CRBN: variants seen among roughly 807,000 people sequenced by gnomAD.
CRBN encodes cereblon, also known as protein cereblon.
In CRBN, 53 loss-of-function variants were observed where a neutral mutation model predicts 62.2. The ratio of observed to expected loss-of-function variants is 0.85; its 90% CI spans 0.68 to 1.07. The LOEUF is 1.07. Ranked by LOEUF, CRBN falls within the 50% of genes least tolerant of loss-of-function variation. The probability of loss-of-function intolerance (pLI) is 0.00; values close to 1 mark genes in which losing one functional copy is unlikely to be tolerated. For missense variants in CRBN, 616 were observed against 531.1 expected, an observed-to-expected ratio of 1.16 and a Z score of -1.57; for synonymous variants, 208 against 176.1, an observed-to-expected ratio of 1.18 and a Z score of -1.43.
chr3:3,152,416 A>C, intron 10 of CRBN, 40 bp downstream of exon 10: 1 of 1,584,594 alleles, frequency 6.3e-7, no homozygotes, highest in Non-Finnish European at 8.5e-7. Context: ...CAATTAAGGT[A>C]AAAAAAGAAA....
chr3:3,175,357 C>G (rs2126069517), intron 1 of CRBN, 88 bp from the exon 2 acceptor site: 4 of 963,852 alleles, frequency 4.2e-6, no homozygotes, highest in South Asian at 4.0e-5. Context: ...AGGGGTACTT[C>G]TAAAACCACA....
chr3:3,156,887 T>C (rs1326450369), intron 5 of CRBN: 7 of 152,220 alleles, frequency 4.6e-5, no homozygotes, highest in Admixed American at 3.3e-4. Context: ...AAAATGTGAA[T>C]TGTAGAAATT....
intron 10 of CRBN, among the ~76,000 whole-genome samples, chr3:3,151,942 C>T (rs1394349816): frequency 6.6e-6 from 1 of 152,154 alleles, no homozygotes; most frequent in Non-Finnish European, 1.5e-5. Context: ...AGAATATGGT[C>T]CAGATATAAA....
intron 7 of CRBN, chr3:3,154,437 C>G: frequency 2.2e-6 from 1 of 460,592 alleles, no homozygotes; most frequent in Admixed American, 3.8e-5. Context: ...CTTTTAAAGG[C>G]ACCTTGAAGA....
intron 5 of CRBN, among the ~76,000 whole-genome samples, chr3:3,165,132 C>T (rs540383685): frequency 6.6e-6 from 1 of 152,168 alleles, no homozygotes; most frequent in Non-Finnish European, 1.5e-5. Flanking sequence ...ACAGATAGGA[C>T]TGAATTGCTG....
chr3:3,173,807 G>A, intron 3 of CRBN: 1 of 510,282 alleles, frequency 2.0e-6, no homozygotes, highest in Non-Finnish European at 3.5e-6. Context: ...AAATATAAAT[G>A]ATTAAAAATT....
At chr3:3,163,760 C>CT (rs912377023) in intron 5 of CRBN, among the ~76,000 whole-genome samples, 5 of 152,060 alleles carry the variant, frequency 3.3e-5, no homozygotes, top group Admixed American at 3.3e-4. Flanking sequence ...AAGAACTATT[C>CT]TATATACCCA....
intron 4 of CRBN, 157 bp downstream of exon 4, chr3:3,172,614 TGCATA>T: frequency 1.5e-6 from 1 of 686,384 alleles, no homozygotes; most frequent in Non-Finnish European, 2.5e-6. Flanking sequence ...GTGATTCTGA[TGCATA>T]GCAAGGTTGG....
chr3:3,169,426 ATTAAG>A (rs1279832927), intron 4 of CRBN, among the ~76,000 whole-genome samples: 1 of 152,094 alleles, frequency 6.6e-6, no homozygotes, highest in Non-Finnish European at 1.5e-5. Context: ...TTCAAGGAAC[ATTAAG>A]TTGAGACATA....
At chr3:3,160,021 G>A (rs1431752274) in intron 5 of CRBN, among the ~76,000 whole-genome samples, 2 of 152,120 alleles carry the variant, frequency 1.3e-5, no homozygotes, top group Non-Finnish European at 2.9e-5. Flanking sequence ...GACCAATGAC[G>A]GATTCTCCAG....
Position 3,152,404 on chromosome 3 carries a change from C to T in CRBN, c.1148+52G>A, listed in dbSNP as rs62228641. On this transcript the variant is annotated intron_variant, in intron 10 of 10. Coordinates refer to ENST00000231948, the MANE Select transcript of CRBN (RefSeq NM_016302.4). Reference sequence around the variant, plus strand: ...CTGCTTAGGACTCTGGATTTTTCTGCCCAATTAAGGTAAAAAAAGAAAAAA... The same window carrying T: ...CTGCTTAGGACTCTGGATTTTTCTGTCCAATTAAGGTAAAAAAAGAAAAAA... 5,482 of 1,577,494 alleles carry T rather than the reference C, an allele frequency of 3.5e-3. 17 individuals carry two copies. The highest frequency in any genetic ancestry group is 0.018 in the African/African-American group (1,270 of 71,770).
At chr3:3,164,260 G>C (rs989787820) in intron 5 of CRBN, among the ~76,000 whole-genome samples, 3 of 152,178 alleles carry the variant, frequency 2.0e-5, no homozygotes, top group African/African-American at 7.2e-5. Context: ...ATAAAGCTTA[G>C]TTAGAAACAC....
At chr3:3,152,090 A>AGAT (rs1431256561) in intron 10 of CRBN, among the ~76,000 whole-genome samples, 1 of 151,802 alleles carries the variant, frequency 6.6e-6, no homozygotes, top group African/African-American at 2.4e-5. Flanking sequence ...CAATGATAAA[A>AGAT]GATACAAAAA....
At chr3:3,151,422 A>G (rs75252183) in intron 10 of CRBN, among the ~76,000 whole-genome samples, 1,815 of 152,284 alleles carry the variant, frequency 0.012, 16 homozygotes, top group African/African-American at 0.02. Flanking sequence ...GAAAACAGCA[A>G]TTACCTGCAG....
At chr3:3,163,791 T>C (rs921942074) in intron 5 of CRBN, among the ~76,000 whole-genome samples, 1 of 152,214 alleles carries the variant, frequency 6.6e-6, no homozygotes, top group Non-Finnish European at 1.5e-5. Context: ...ACAGGCATAC[T>C]GTGATTCACA....
chr3:3,159,938 T>A (rs1707067304), intron 5 of CRBN, among the ~76,000 whole-genome samples: 1 of 152,216 alleles, frequency 6.6e-6, no homozygotes, highest in Non-Finnish European at 1.5e-5. Flanking sequence ...ATCAACACCA[T>A]GATTGATGTC....
In CRBN at chr3:3,152,150, A is replaced by ATTTTT. The variant is rs66844241; in HGVS notation, c.1148+301_1148+305dup. 6.8e-5 allele frequency among the ~76,000 whole-genome samples: 10 copies of ATTTTT among 147,092 alleles called. 1 individual carries two copies. Among genetic ancestry groups the ATTTTT allele is most frequent in the Admixed American group, 1.3e-4 (2 of 14,836 alleles). On this transcript the variant is annotated intron_variant, in intron 10 of 10. Transcript: ENST00000231948. ...TGTGGAATGAAGGACATTTAAATAA[A>ATTTTT]TTTTTTTTTTTTTTTAAATAGACAG... is the stretch of plus-strand genomic sequence containing the variant.
At chr3:3,154,683 A>T in intron 7 of CRBN, 64 bp downstream of exon 7, 1 of 867,212 alleles carries the variant, frequency 1.2e-6, no homozygotes, top group Non-Finnish European at 2.0e-6. Flanking sequence ...GATCGCATCC[A>T]TGAAAAAGCT....
In CRBN at chr3:3,150,392, C is replaced by T. The variant is rs1706434978; in HGVS notation, c.*473G>A. On this transcript the variant is annotated 3_prime_UTR_variant, in exon 11 of 11. Transcript: ENST00000231948. The stretch of plus-strand genomic sequence containing the variant: ...AGAATAATTAATATACATTGCCTTG[C>T]TTCTTTCCAAAAGGAACATGTACTT... 6.5e-6 allele frequency: 1 copy of T among 153,558 alleles called. No homozygotes were observed. The highest frequency in any genetic ancestry group is 6.5e-5 in the Admixed American group (1 of 15,492). The allele number at this position is 153,558 out of a possible 1,614,324, so 9.5% of individuals were successfully genotyped here.
Sources: gnomAD v4.1 joint callset for allele counts (sites outside exome capture counted in the v4.1 genomes callset) on GRCh38, gnomAD v4.1.1 for gene constraint, MANE v1.5 for transcripts, NCBI Gene and HGNC (gene_info 2026-07-23, HGNC 2026-07-21) for gene names.